The following MAP2K1 variants were observed in gnomAD, a reference collection of about 807,000 sequenced individuals.
MAP2K1 encodes mitogen-activated protein kinase kinase 1.
In MAP2K1, 16 loss-of-function variants were observed where a neutral mutation model predicts 46.3. That is an observed-to-expected ratio of 0.35 (90% CI 0.23 to 0.52). The LOEUF is 0.52. Ranked by LOEUF, MAP2K1 falls within the 20% of genes least tolerant of loss-of-function variation. The pLI, the probability that MAP2K1 is intolerant of heterozygous loss-of-function variation, is 0.94. For synonymous variants in MAP2K1, 183 were observed against 185.6 expected, an observed-to-expected ratio of 0.99 and a Z score of 0.11; for missense variants, 263 against 497.1, an observed-to-expected ratio of 0.53 and a Z score of 4.48.
At chr15:66,448,164 A>AAAC (rs1187724356) in intron 5 of MAP2K1, among the ~76,000 whole-genome samples, 1 of 135,704 alleles carries the variant, frequency 7.4e-6, no homozygotes, top group East Asian at 2.1e-4. Flanking sequence ...AAAAAAAAAA[A>AAAC]AAAAAAAAAC....
At chr15:66,392,974 T>C (rs1365195384) in intron 1 of MAP2K1, among the ~76,000 whole-genome samples, 2 of 152,224 alleles carry the variant, frequency 1.3e-5, no homozygotes, top group Non-Finnish European at 2.9e-5. Flanking sequence ...ATTTTACTTA[T>C]TTATTTCTCT....
chr15:66,404,292 C>T (rs1410502925), intron 1 of MAP2K1, among the ~76,000 whole-genome samples: 1 of 152,114 alleles, frequency 6.6e-6, no homozygotes, highest in Non-Finnish European at 1.5e-5. Context: ...GTGGTGGTTG[C>T]AGTGAGCGGA....
At chr15:66,430,652 T>C (rs1370016205) in intron 1 of MAP2K1, among the ~76,000 whole-genome samples, 1 of 152,176 alleles carries the variant, frequency 6.6e-6, no homozygotes, top group Non-Finnish European at 1.5e-5. Flanking sequence ...CTTGTCCCTT[T>C]GGGCCTCAGT....
chr15:66,421,883 C>T (rs1238507902), intron 1 of MAP2K1, among the ~76,000 whole-genome samples: 2 of 143,172 alleles, frequency 1.4e-5, no homozygotes, highest in Non-Finnish European at 3.0e-5. Context: ...CCCTCTTTCT[C>T]TTTTTTTTTT....
chr15:66,484,082 C>T (rs1350791032), intron 6 of MAP2K1, among the ~76,000 whole-genome samples: 2 of 151,312 alleles, frequency 1.3e-5, no homozygotes, highest in Non-Finnish European at 2.9e-5. Context: ...TCTTAGTAAT[C>T]CTAAGTAGAG....
At chr15:66,389,480 G>A (rs2093351636) in intron 1 of MAP2K1, among the ~76,000 whole-genome samples, 1 of 151,054 alleles carries the variant, frequency 6.6e-6, no homozygotes, top group African/African-American at 2.4e-5. Flanking sequence ...TTTGGTGGCA[G>A]AAAAATTTGG....
In MAP2K1 at chr15:66,473,596, A is replaced by C. The variant is rs115548332; in HGVS notation, c.569-8159A>C. 4.8e-3 allele frequency among the ~76,000 whole-genome samples: 726 copies of C among 152,214 alleles called. 5 individuals carry two copies. The highest frequency in any genetic ancestry group is 0.017 in the African/African-American group (710 of 41,532). ...TGACTGCTCTTCTTTCCTTTCTTTT[A>C]TTATACCTCTCTTCTCTCTGTACCC... is the stretch of plus-strand genomic sequence containing the variant. On this transcript the variant is annotated intron_variant, in intron 5 of 10. Transcript: ENST00000307102.
At chr15:66,485,503 TCA>T (rs1364880376) in intron 7 of MAP2K1, among the ~76,000 whole-genome samples, 1 of 152,182 alleles carries the variant, frequency 6.6e-6, no homozygotes, top group Admixed American at 6.5e-5. Flanking sequence ...CAGTGGCTAG[TCA>T]CAGTCTTCAA....
intron 7 of MAP2K1, among the ~76,000 whole-genome samples, chr15:66,486,037 C>A (rs1278036699): frequency 1.3e-5 from 2 of 151,912 alleles, no homozygotes; most frequent in Admixed American, 6.6e-5. Flanking sequence ...TAGCTGAGAC[C>A]ACAGGCATGC....
intron 1 of MAP2K1, 35 bp downstream of exon 1, chr15:66,387,462 G>A (rs1473298006): frequency 1.3e-6 from 2 of 1,543,650 alleles, no homozygotes; most frequent in African/African-American, 1.4e-5. Flanking sequence ...CTCGGGGCCC[G>A]GCTGGGGAGG....
chr15:66,387,258 C>A lies in MAP2K1; in HGVS notation c.-90C>A. On this transcript the variant is annotated 5_prime_UTR_variant, in exon 1 of 11. Coordinates refer to ENST00000307102, the MANE Select transcript of MAP2K1 (RefSeq NM_002755.4). The stretch of plus-strand genomic sequence containing the variant: ...CCGGGGCCCGCGGCCCGGACTTGGT[C>A]CTGCGCAGCGGGCGCGGGGCAGCGC... 8.3e-7 allele frequency: 1 copy of A among 1,198,212 alleles called. No individual in the cohort carries two copies. Among genetic ancestry groups the A allele is most frequent in the Non-Finnish European group, 1.2e-6 (1 of 832,436 alleles). 74.2% of individuals were successfully genotyped at this position (1,198,212 alleles called of 1,614,324 possible). A position where few individuals can be genotyped will look rare whatever the true frequency, so the allele number is the denominator to read the frequency against.
intron 1 of MAP2K1, among the ~76,000 whole-genome samples, chr15:66,410,194 G>T (rs1342943066): frequency 6.6e-6 from 1 of 152,212 alleles, no homozygotes; most frequent in Non-Finnish European, 1.5e-5. Context: ...ACAACTAGGG[G>T]AGAGTCTATG....
At chr15:66,437,576 C>G (rs565905229) in intron 3 of MAP2K1, among the ~76,000 whole-genome samples, 30 of 152,274 alleles carry the variant, frequency 2.0e-4, no homozygotes, top group African/African-American at 6.7e-4. Context: ...TGCTTTCAGT[C>G]CAGTATTGTG....
rs563457172 is a variant in MAP2K1 at position 66,465,349 on chromosome 15, C to T, written c.569-16406C>T. ...GGGCTCACAACTCTAAGGGGGTCCA[C>T]GTGAGAGGGTTGTGATCGATTGAGC... On this transcript the variant is annotated intron_variant, in intron 5 of 10. Coordinates refer to ENST00000307102, the MANE Select transcript of MAP2K1 (RefSeq NM_002755.4). 2.0e-5 allele frequency among the ~76,000 whole-genome samples: 3 copies of T among 152,204 alleles called. No homozygotes were observed. The South Asian group carries it at 6.2e-4, about 32-fold the overall frequency.
At chr15:66,397,299 G>A (rs894387428) in intron 1 of MAP2K1, among the ~76,000 whole-genome samples, 5 of 152,108 alleles carry the variant, frequency 3.3e-5, no homozygotes, top group East Asian at 1.9e-4. Context: ...CACGGCGCCC[G>A]GCCTGTAACA....
At chr15:66,465,123 G>C (rs889990078) in intron 5 of MAP2K1, among the ~76,000 whole-genome samples, 4 of 152,146 alleles carry the variant, frequency 2.6e-5, no homozygotes, top group African/African-American at 9.6e-5. Context: ...TACTTGGGAG[G>C]CTGGGGCAGG....
chr15:66,443,287 G>T lies in MAP2K1; in HGVS notation c.446G>T (p.Gly149Val), dbSNP rs1388443307. ...TGGTATTCTCGATCTTAGGATGGAG[G>T]TTCTCTGGATCAAGTCCTGAAGAAA... ...ISICMEHMDG[G>V]SLDQVLKKAG... The change falls in exon 4 of 11, where the codon GGT (glycine) becomes GTT (valine). Residue 149 changes from glycine to valine, a missense_variant. Physicochemically the swap from Gly to Val is moderately radical, Grantham distance 109. This residue lies in a region of MAP2K1 where 103 missense variants were observed against 221.6 expected (regional missense o/e 0.46). Coordinates refer to ENST00000307102, the MANE Select transcript of MAP2K1 (RefSeq NM_002755.4). 1 of 1,607,822 alleles carries T rather than the reference G, an allele frequency of 6.2e-7. No individual in the cohort carries two copies. Among genetic ancestry groups the T allele is most frequent in the South Asian group, 1.1e-5 (1 of 90,958 alleles).
chr15:66,441,550 G>A (rs147726607), intron 3 of MAP2K1, among the ~76,000 whole-genome samples: 1,677 of 151,888 alleles, frequency 0.011, 20 homozygotes, highest in South Asian at 0.051. Flanking sequence ...ACGTACCTGT[G>A]GTCCCAACTA....
chr15:66,426,780 C>T (rs1233986783), intron 1 of MAP2K1, among the ~76,000 whole-genome samples: 1 of 152,210 alleles, frequency 6.6e-6, no homozygotes, highest in Non-Finnish European at 1.5e-5. Flanking sequence ...CAAGTCACTT[C>T]TCTGTAGTTT....
Sources: gnomAD v4.1 joint callset for allele counts (sites outside exome capture counted in the v4.1 genomes callset) on GRCh38, gnomAD v4.1.1 for gene constraint, gnomAD v4.1.1 regional missense constraint, MANE v1.5 for transcripts, NCBI Gene and HGNC (gene_info 2026-07-23, HGNC 2026-07-21) for gene names.